OR51B5: variants seen among roughly 807,000 people sequenced by gnomAD.
OR51B5 encodes olfactory receptor family 51 subfamily B member 5.
For synonymous variants in OR51B5, 186 were observed against 144.8 expected (o/e 1.28, Z -2.04); for missense variants, 456 against 374.6 (o/e 1.22, Z -1.79).
intron 1 of OR51B5, among the ~76,000 whole-genome samples, chr11:5,505,117 T>C (rs1203605065): frequency 6.6e-6 from 1 of 152,198 alleles, no homozygotes; most frequent in Non-Finnish European, 1.5e-5. Flanking sequence ...AGGTGTTTTT[T>C]TGTTTTGTTT....
intron 1 of OR51B5, among the ~76,000 whole-genome samples, chr11:5,458,832 A>G (rs1851002732): frequency 6.6e-6 from 1 of 152,186 alleles, no homozygotes; most frequent in South Asian, 2.1e-4. Context: ...GAAATTGTTT[A>G]TCAGATCTAG....
At chr11:5,446,697 A>G (rs1850768584) in intron 1 of OR51B5, among the ~76,000 whole-genome samples, 1 of 152,202 alleles carries the variant, frequency 6.6e-6, no homozygotes, top group African/African-American at 2.4e-5. Context: ...TCAACAAATA[A>G]ACATTCCCTG....
intron 1 of OR51B5, among the ~76,000 whole-genome samples, chr11:5,367,503 T>C (rs549251305): frequency 3.9e-5 from 6 of 152,320 alleles, no homozygotes; most frequent in African/African-American, 1.2e-4. Flanking sequence ...ATGGCATTTC[T>C]AAACAGTCAT....
chr11:5,365,566 C>G lies in OR51B5; in HGVS notation n.85-18656G>C, dbSNP rs138776471. 1.9e-3 allele frequency among the ~76,000 whole-genome samples: 285 copies of G among 152,272 alleles called. 1 individual carries two copies. Among genetic ancestry groups the G allele is most frequent in the South Asian group, 7.0e-3 (34 of 4,828 alleles). ...TTTTTTCACAAAGCATATTGATACACAAAAACATTATCGAGATGCACATGA... is the reference window on the plus strand; with the variant it reads ...TTTTTTCACAAAGCATATTGATACAGAAAAACATTATCGAGATGCACATGA... On this transcript the variant is annotated intron_variant and non_coding_transcript_variant, in intron 1 of 4. Transcript: ENST00000415970.
At chr11:5,463,531 G>A (rs771065005) in intron 1 of OR51B5, among the ~76,000 whole-genome samples, 34 of 152,120 alleles carry the variant, frequency 2.2e-4, no homozygotes, top group East Asian at 7.7e-4. Context: ...GAGATATTTC[G>A]TCACTATCTT....
At chr11:5,496,913 C>G (rs1308972596) in intron 1 of OR51B5, among the ~76,000 whole-genome samples, 1 of 152,162 alleles carries the variant, frequency 6.6e-6, no homozygotes, top group Non-Finnish European at 1.5e-5. Flanking sequence ...CTAGACAGCA[C>G]TTCATTAGAG....
At chr11:5,488,520 G>A (rs1424984332) in intron 1 of OR51B5, among the ~76,000 whole-genome samples, 5 of 152,092 alleles carry the variant, frequency 3.3e-5, no homozygotes, top group Admixed American at 6.5e-5. Context: ...ATTAGCAGAA[G>A]GTTTTAAAAT....
In OR51B5 at chr11:5,502,629, C is replaced by T. The variant is rs569694380; in HGVS notation, n.84+2940G>A. 2.8e-4 allele frequency among the ~76,000 whole-genome samples: 42 copies of T among 152,272 alleles called. 1 individual carries two copies. Among genetic ancestry groups the T allele is most frequent in the African/African-American group, 8.4e-4 (35 of 41,566 alleles). ...AGAAGAATGTGGTCTCTAGAAAGAC[C>T]GGTTCAAATTCCAACTCCAGCTCAA... is the stretch of plus-strand genomic sequence containing the variant. On this transcript the variant is annotated intron_variant and non_coding_transcript_variant, in intron 1 of 4. Coordinates refer to the OR51B5 transcript ENST00000415970.
intron 1 of OR51B5, among the ~76,000 whole-genome samples, chr11:5,413,801 A>G (rs10838071): frequency 0.82 from 123,606 of 150,980 alleles, 51,429 homozygotes; most frequent in Non-Finnish European, 0.89. Flanking sequence ...CCAAATCTAC[A>G]TCTGATTGGT....
chr11:5,432,939 C>T (rs1850552103), intron 1 of OR51B5, among the ~76,000 whole-genome samples: 1 of 152,102 alleles, frequency 6.6e-6, no homozygotes, highest in South Asian at 2.1e-4. Flanking sequence ...GGAAGAACCC[C>T]TAGTAAAGAT....
chr11:5,504,022 G>C (rs1175025745), intron 1 of OR51B5, among the ~76,000 whole-genome samples: 1 of 152,042 alleles, frequency 6.6e-6, no homozygotes, highest in East Asian at 1.9e-4. Context: ...TGCGCTAAAG[G>C]ACTATTGTGT....
intron 1 of OR51B5, among the ~76,000 whole-genome samples, chr11:5,415,055 C>G (rs1177307608): frequency 1.3e-5 from 2 of 151,904 alleles, no homozygotes; most frequent in Non-Finnish European, 2.9e-5. Context: ...TGTAAAAGAA[C>G]AGAAATTATA....
chr11:5,405,731 G>A (rs1042281105), intron 1 of OR51B5, among the ~76,000 whole-genome samples: 3 of 152,232 alleles, frequency 2.0e-5, no homozygotes, highest in Non-Finnish European at 4.4e-5. Flanking sequence ...GACAAAGAGT[G>A]CTTTTACAAG....
chr11:5,401,938 T>C (rs1849976603), intron 1 of OR51B5, among the ~76,000 whole-genome samples: 1 of 151,350 alleles, frequency 6.6e-6, no homozygotes, highest in Non-Finnish European at 1.5e-5. Context: ...TTTTCTTTTA[T>C]TATTCTTTCC....
chr11:5,433,260 A>C (rs1850556304), intron 1 of OR51B5, among the ~76,000 whole-genome samples: 1 of 151,972 alleles, frequency 6.6e-6, no homozygotes, highest in Non-Finnish European at 1.5e-5. Flanking sequence ...AGAAATAGCT[A>C]ATCCCAGTCA....
intron 1 of OR51B5, among the ~76,000 whole-genome samples, chr11:5,451,947 G>A (rs1850859681): frequency 6.6e-6 from 1 of 152,188 alleles, no homozygotes; most frequent in Non-Finnish European, 1.5e-5. Flanking sequence ...TACAATCACT[G>A]TGACAGAGAA....
intron 1 of OR51B5, chr11:5,351,373 T>C (rs1849082625): frequency 1.6e-6 from 1 of 642,922 alleles, no homozygotes; most frequent in East Asian, 2.7e-5. Flanking sequence ...GACTAAATTA[T>C]CATCCTTGCT....
upstream of OR51B5, chr11:5,346,169 C>T (rs909202751): frequency 1.3e-5 from 2 of 152,062 alleles, no homozygotes; most frequent in Non-Finnish European, 2.9e-5. Context: ...GAAAGCTAAC[C>T]AAACTGTAAG....
chr11:5,442,917 C>A (rs1168544460), intron 1 of OR51B5, among the ~76,000 whole-genome samples: 3 of 152,116 alleles, frequency 2.0e-5, no homozygotes, highest in Admixed American at 1.3e-4. Context: ...TTTAGAACCA[C>A]CTTCTCCATT....
Sources: allele counts gnomAD v4.1 joint callset (sites outside exome capture counted in the v4.1 genomes callset), GRCh38; gene constraint gnomAD v4.1.1; transcripts MANE v1.5; gene names NCBI Gene and HGNC (gene_info 2026-07-23, HGNC 2026-07-21).